Variants in ABCC8 observed in about 807,000 individuals in gnomAD.
The protein encoded by ABCC8 is ATP binding cassette subfamily C member 8.
In ABCC8, 137 loss-of-function variants were observed where a neutral mutation model predicts 188.0. That is an observed-to-expected ratio of 0.73 (90% CI 0.63 to 0.84). The LOEUF is 0.84. Ranked by LOEUF, ABCC8 falls within the 40% of genes least tolerant of loss-of-function variation. The pLI is 0.00. For synonymous variants in ABCC8, 797 were observed against 846.5 expected (o/e 0.94, Z 1.01); for missense variants, 1,750 against 2,072.7 (o/e 0.84, Z 3.02).
chr11:17,461,741 C>A lies in ABCC8; in HGVS notation c.664G>T (p.Val222Leu). The change falls in exon 5 of 39, where the codon GTG (valine) becomes TTG (leucine). Residue 222 changes from valine (V) to leucine (L), a missense_variant. By Grantham distance (32) the Val-to-Leu change is conservative. Coordinates refer to ENST00000389817, the MANE Select transcript of ABCC8 (RefSeq NM_000352.6). ...DLGVRFLQPF[V>L]NLLSKGTYWW... ...TAGGTGCCTTTGGACAGCAGATTCACGAAGGGCTGCAGGAAGCGTACCCCC... is the reference window on the plus strand; with the variant it reads ...TAGGTGCCTTTGGACAGCAGATTCAAGAAGGGCTGCAGGAAGCGTACCCCC... 1.2e-6 allele frequency: 2 copies of A among 1,614,144 alleles called. No individual in the cohort carries two copies. The highest frequency in any genetic ancestry group is 1.7e-6 in the Non-Finnish European group (2 of 1,180,032).
At chr11:17,467,741 T>C (rs1442959947) in intron 3 of ABCC8, among the ~76,000 whole-genome samples, 20 of 152,220 alleles carry the variant, frequency 1.3e-4, no homozygotes, top group Middle Eastern at 3.4e-3. Context: ...CCAATACCCA[T>C]TTCCTTCTGT....
chr11:17,452,117 T>G (rs1461247427), intron 7 of ABCC8, among the ~76,000 whole-genome samples: 1 of 152,178 alleles, frequency 6.6e-6, no homozygotes, highest in Non-Finnish European at 1.5e-5. Context: ...TCAGGATGTC[T>G]CTCTAGTCTG....
rs535912674 is a variant in ABCC8, at chr11:17,446,186, G to A, written c.1332+2330C>T. 6.6e-4 allele frequency among the ~76,000 whole-genome samples: 100 copies of A among 152,052 alleles called. 1 individual carries two copies. Among genetic ancestry groups the A allele is most frequent in the South Asian group, 4.2e-3 (20 of 4,810 alleles). On this transcript the variant is annotated intron_variant, in intron 8 of 38. Transcript: ENST00000389817. ...TCACCATATTGGTCAGGCTGGTCTC[G>A]AACTCCTGACCTCAGGTGAACCATC...
intron 16 of ABCC8, among the ~76,000 whole-genome samples, chr11:17,422,682 TTC>T (rs776913863): frequency 4.9e-4 from 75 of 152,166 alleles, no homozygotes; most frequent in Non-Finnish European, 8.4e-4. Context: ...GTCTGTCTTT[TTC>T]TCTGTTTCCC....
Position 17,396,958 on chromosome 11 carries a change from C to T in ABCC8, c.4077G>A (p.Pro1359=), listed in dbSNP as rs547430068. Residue 1359 remains proline (P), a synonymous_variant, in exon 33 of 39, where the codon CCG becomes CCA. Coordinates refer to ENST00000389817, the MANE Select transcript of ABCC8 (RefSeq NM_000352.6). ...LSVRYDSSLK[P]VLKHVNALIA... ...TGAGGGCATTGACGTGCTTCAGCAC[C>T]GGCTTCAGGGAGCTGTCGTAGCGCA... is the stretch of plus-strand genomic sequence containing the variant. 2.8e-5 allele frequency: 45 copies of T among 1,614,196 alleles called. No individual in the cohort carries two copies. The highest frequency in any genetic ancestry group is 1.3e-4 in the African/African-American group (10 of 75,062).
intron 6 of ABCC8, among the ~76,000 whole-genome samples, chr11:17,459,321 T>A (rs1019147567): frequency 2.0e-5 from 3 of 152,220 alleles, no homozygotes; most frequent in Non-Finnish European, 4.4e-5. Flanking sequence ...CTGTTAATAT[T>A]GTTAATCATC....
chr11:17,424,152 C>T lies in ABCC8; in HGVS notation c.2222+2897G>A, dbSNP rs559438593. Among the ~76,000 whole-genome samples the T allele has an allele frequency of 7.2e-5, 11 of 151,928 alleles. 1 individual carries two copies. The highest frequency in any genetic ancestry group is 1.9e-4 in the East Asian group (1 of 5,138). On this transcript the variant is annotated intron_variant, in intron 16 of 38. Transcript: ENST00000389817. ...ACACAGGGAGGGGAACATCACATAC[C>T]GAGCCTGTCGGGGGGTGGGAGGCAA...
At position 17,475,086 on chromosome 11, in the gene ABCC8, C is replaced by T. The variant is rs878963656; in HGVS notation, c.149-59G>A. 6 of 1,605,986 alleles carry T rather than the reference C, an allele frequency of 3.7e-6. No individual in the cohort carries two copies. The South Asian group carries it at 6.7e-5, about 18-fold the overall frequency. ...GCCCACTTGGAGGAGGAAGAGGGTGCATGAACCCCAGAAAGGTGCTTGGGC... is the reference window on the plus strand; with the variant it reads ...GCCCACTTGGAGGAGGAAGAGGGTGTATGAACCCCAGAAAGGTGCTTGGGC... On this transcript the variant is annotated intron_variant, in intron 1 of 38. Transcript: ENST00000389817.
intron 7 of ABCC8, among the ~76,000 whole-genome samples, chr11:17,449,523 G>A (rs954396632): frequency 9.8e-5 from 15 of 152,322 alleles, no homozygotes; most frequent in African/African-American, 3.6e-4. Context: ...CCCTCACAGG[G>A]CAGACAGAGA....
intron 6 of ABCC8, 78 bp downstream of exon 6, chr11:17,460,410 C>T: frequency 1.9e-6 from 3 of 1,605,722 alleles, no homozygotes; most frequent in Admixed American, 3.3e-5. Flanking sequence ...ATGGCTCACA[C>T]ACATTGGCCT....
chr11:17,397,409 G>T (rs1953996106), intron 31 of ABCC8, 96 bp from the exon 32 acceptor site: 1 of 1,583,418 alleles, frequency 6.3e-7, no homozygotes, highest in Non-Finnish European at 8.5e-7. Flanking sequence ...AGGGGCCAGG[G>T]CCCCAGATTC....
At chr11:17,400,334 G>A (rs749827444) in intron 29 of ABCC8, among the ~76,000 whole-genome samples, 1 of 152,160 alleles carries the variant, frequency 6.6e-6, no homozygotes, top group Non-Finnish European at 1.5e-5. Flanking sequence ...ATCAGGGCAT[G>A]TGCGTGTTAT....
At chr11:17,405,666 T>C (rs1235794000) in intron 26 of ABCC8, 103 bp from the exon 27 acceptor site, 7 of 1,586,410 alleles carry the variant, frequency 4.4e-6, no homozygotes, top group African/African-American at 1.3e-5. Context: ...TCTGGAGTCA[T>C]TCATGGGTCT....
chr11:17,446,950 T>C (rs1258154624), intron 8 of ABCC8, among the ~76,000 whole-genome samples: 2 of 152,188 alleles, frequency 1.3e-5, no homozygotes, highest in Admixed American at 1.3e-4. Flanking sequence ...ATACCAAACA[T>C]GTGCAAGGTA....
chr11:17,405,787 A>G (rs568172657), intron 26 of ABCC8, among the ~76,000 whole-genome samples: 1 of 152,158 alleles, frequency 6.6e-6, no homozygotes, highest in African/African-American at 2.4e-5. Context: ...AGCCCATCTG[A>G]CGACTGCCGC....
In ABCC8 at chr11:17,393,212, G is replaced by A. The variant is rs1385428692; in HGVS notation, c.4609-84C>T. 5 of 1,565,026 alleles carry A rather than the reference G, an allele frequency of 3.2e-6. No individual in the cohort carries two copies. The Admixed American group carries it at 8.8e-5, about 28-fold the overall frequency. On this transcript the variant is annotated intron_variant, in intron 38 of 38. Transcript: ENST00000389817. ...CACAGCTGAGGGTGGCCCTCCTGCG[G>A]CTTGGAGGAGGAGGATGAGGCATGT...
chr11:17,466,153 C>T (rs1378371072), intron 3 of ABCC8, among the ~76,000 whole-genome samples: 2 of 152,078 alleles, frequency 1.3e-5, no homozygotes, highest in Admixed American at 1.3e-4. Flanking sequence ...GTAATCCGAG[C>T]ACTTTGGGAG....
Position 17,424,441 on chromosome 11 carries a change from A to G in ABCC8, c.2222+2608T>C, listed in dbSNP as rs191798263. On this transcript the variant is annotated intron_variant, in intron 16 of 38. Coordinates refer to ENST00000389817, the MANE Select transcript of ABCC8 (RefSeq NM_000352.6). Reference sequence around the variant, plus strand: ...AGAGAGGGGCAGCAGTCAGACCCGGAGGGTTGGCACAGCTTGGAGAAGAGG... The same window carrying G: ...AGAGAGGGGCAGCAGTCAGACCCGGGGGGTTGGCACAGCTTGGAGAAGAGG... Among the ~76,000 whole-genome samples, 145 of 152,246 alleles carry G rather than the reference A, an allele frequency of 9.5e-4. 5 individuals are homozygous for G. In the East Asian group the frequency reaches 0.017, roughly 18 times the overall value.
chr11:17,398,605 C>T, intron 29 of ABCC8, 164 bp from the exon 30 acceptor site: 1 of 1,379,586 alleles, frequency 7.2e-7, no homozygotes, highest in Admixed American at 2.1e-5. Flanking sequence ...CACCCCACTC[C>T]TTTCTGCTTA....
Sources: allele counts gnomAD v4.1 joint callset (sites outside exome capture counted in the v4.1 genomes callset), GRCh38; gene constraint gnomAD v4.1.1; transcripts MANE v1.5; gene names NCBI Gene and HGNC (gene_info 2026-07-23, HGNC 2026-07-21).